NPTXR: variants seen among roughly 807,000 people sequenced by gnomAD.
NPTXR encodes neuronal pentraxin receptor.
NPTXR carries 12 observed loss-of-function variants against 32.2 expected under a neutral mutation model. The ratio of observed to expected loss-of-function variants is 0.37; its 90% CI spans 0.24 to 0.60. The LOEUF is 0.60. Among genes scored for constraint, NPTXR ranks in the 20% least tolerant of loss-of-function variants. The probability of loss-of-function intolerance (pLI) is 0.66; values close to 1 mark genes in which losing one functional copy is unlikely to be tolerated. For synonymous variants in NPTXR, 323 were observed against 315.8 expected, an observed-to-expected ratio of 1.02 and a Z score of -0.24; for missense variants, 612 against 682.9, an observed-to-expected ratio of 0.90 and a Z score of 1.16.
rs1028026809 is a variant in NPTXR, at chr22:38,833,600, G to A, written c.625-5088C>T. On this transcript the variant is annotated intron_variant, in intron 1 of 4. Coordinates refer to ENST00000333039, the MANE Select transcript of NPTXR (RefSeq NM_014293.4). ...TTCATAGACAGAAAGCGCTTAGTGCGCGGTAGGCATAGGAAGCATCACAGG... is the reference window on the plus strand; with the variant it reads ...TTCATAGACAGAAAGCGCTTAGTGCACGGTAGGCATAGGAAGCATCACAGG... Among the ~76,000 whole-genome samples, 5 of 152,168 alleles carry A rather than the reference G, an allele frequency of 3.3e-5. No individual in the cohort carries two copies. The South Asian group carries it at 6.2e-4, about 19-fold the overall frequency.
chr22:38,824,569 T>C (rs1342772814), intron 3 of NPTXR, among the ~76,000 whole-genome samples: 1 of 151,820 alleles, frequency 6.6e-6, no homozygotes, highest in Non-Finnish European at 1.5e-5. Context: ...GCAAAACAAG[T>C]GGTGGGCACA....
At position 38,843,493 on chromosome 22, in the gene NPTXR, C is replaced by G; in HGVS notation, c.366G>C (p.Glu122Asp). Residue 122 changes from glutamate to aspartate, a missense_variant, in exon 1 of 5, where the codon GAG becomes GAC. Physicochemically the swap from Glu to Asp is conservative, Grantham distance 45. Coordinates refer to ENST00000333039, the MANE Select transcript of NPTXR (RefSeq NM_014293.4). This position sits in a 1 kb window ranked among gnomAD's most constrained non-coding sequence, Gnocchi z 5.3. Reference sequence around the variant, plus strand: ...CGGCCGTGCTCTGCAGCAGCAGCAGCTCTTCGCGCTCGCCCGGCGCAGCGC... The same window carrying G: ...CGGCCGTGCTCTGCAGCAGCAGCAGGTCTTCGCGCTCGCCCGGCGCAGCGC... 4.6e-6 allele frequency: 6 copies of G among 1,294,066 alleles called. No homozygotes were observed. The highest frequency in any genetic ancestry group is 4.6e-5 in the South Asian group (2 of 43,046). 80.2% of individuals were successfully genotyped at this position (1,294,066 alleles called of 1,614,324 possible).
At chr22:38,840,310 A>T (rs1208748823) in intron 1 of NPTXR, among the ~76,000 whole-genome samples, 1 of 152,082 alleles carries the variant, frequency 6.6e-6, no homozygotes, top group Non-Finnish European at 1.5e-5. Flanking sequence ...TGGAGCAGGA[A>T]TGTGCTGGGG....
chr22:38,826,836 A>G (rs2093107954), intron 2 of NPTXR, 89 bp from the exon 3 acceptor site: 1 of 1,472,808 alleles, frequency 6.8e-7, no homozygotes, highest in Middle Eastern at 1.9e-4. Context: ...GATGGCTAAC[A>G]GCTCCCAGGC....
chr22:38,826,272 T>A (rs1306729261), intron 3 of NPTXR, among the ~76,000 whole-genome samples: 1 of 152,202 alleles, frequency 6.6e-6, no homozygotes, highest in African/African-American at 2.4e-5. Flanking sequence ...CTCTGTAAAA[T>A]GGAACAACAC....
At position 38,843,692 on chromosome 22, in the gene NPTXR, T is replaced by G. The variant is rs1270922012; in HGVS notation, c.167A>C (p.Gln56Pro). The change falls in exon 1 of 5, where the codon CAG becomes CCG. Residue 56 changes from glutamine (Q) to proline (P), a missense_variant. Gln to Pro is a moderately conservative substitution (Grantham distance 76, BLOSUM62 -1). Transcript: ENST00000333039. This position sits in a 1 kb window ranked among gnomAD's most constrained non-coding sequence, Gnocchi z 5.3. ...GCCGTGCAGCGCGCTCAGGCTCCGC[T>G]GCGGGCCCGGGGACGCGGCGGCGCC... is the stretch of plus-strand genomic sequence containing the variant. The G allele has an allele frequency of 3.0e-6, 3 of 1,000,074 alleles. No individual in the cohort carries two copies. Among genetic ancestry groups the G allele is most frequent in the African/African-American group, 1.8e-5 (1 of 56,404 alleles). The allele number at this position is 1,000,074 out of a possible 1,614,324, so 62.0% of individuals were successfully genotyped here. A position where few individuals can be genotyped will look rare whatever the true frequency, so the allele number is the denominator to read the frequency against.
In NPTXR at chr22:38,834,871, A is replaced by C. The variant is rs1213557271; in HGVS notation, c.625-6359T>G. ...GATATGAAGTGTGGTCAACCATAAG[A>C]GGCAGTACGTGGTTGTCACATTACT... On this transcript the variant is annotated intron_variant, in intron 1 of 4. Transcript: ENST00000333039. This position sits in a 1 kb window ranked among gnomAD's most constrained non-coding sequence, Gnocchi z 4.4. Among the ~76,000 whole-genome samples the C allele has an allele frequency of 1.3e-5, 2 of 152,168 alleles. No homozygotes were observed. Among genetic ancestry groups the C allele is most frequent in the Non-Finnish European group, 2.9e-5 (2 of 68,026 alleles).
rs969853170 is a variant in NPTXR, at chr22:38,843,072, G to A, written c.624+163C>T. Among the ~76,000 whole-genome samples the A allele has an allele frequency of 6.6e-6, 1 of 152,222 alleles. No homozygotes were observed. Among genetic ancestry groups the A allele is most frequent in the Non-Finnish European group, 1.5e-5 (1 of 68,030 alleles). ...GCCTCAGTCACCGTGCCAGACGCCT[G>A]CCCGCGTTCCCTATCGAAATCCCCC... On this transcript the variant is annotated intron_variant, in intron 1 of 4. Transcript: ENST00000333039. The surrounding 1 kb of genome is among the most constrained non-coding windows in gnomAD (Gnocchi z 5.3).
At chr22:38,832,930 G>A (rs2093118595) in intron 1 of NPTXR, among the ~76,000 whole-genome samples, 1 of 152,228 alleles carries the variant, frequency 6.6e-6, no homozygotes, top group East Asian at 1.9e-4. Context: ...GCTTCACAAA[G>A]GGAGACTGAT....
intron 3 of NPTXR, among the ~76,000 whole-genome samples, chr22:38,824,488 AG>A (rs1371089691): frequency 6.6e-6 from 1 of 152,136 alleles, no homozygotes; most frequent in East Asian, 1.9e-4. Context: ...CCAGAGGTAG[AG>A]GGGATATGGG....
chr22:38,843,315 C>G lies in NPTXR; in HGVS notation c.544G>C (p.Gly182Arg). Residue 182 changes from glycine to arginine, a missense_variant, in exon 1 of 5, where the codon GGG becomes CGG. Transcript: ENST00000333039. The surrounding 1 kb of genome is among the most constrained non-coding windows in gnomAD (Gnocchi z 5.3). ...ATGAGCGCAGGCGAGTCCCAGGGCC[C>G]GTCGGCCATGGTGTCGCGGCGGGGC... 2 of 1,427,938 alleles carry G rather than the reference C, an allele frequency of 1.4e-6. No individual in the cohort carries two copies. The highest frequency in any genetic ancestry group is 1.4e-5 in the South Asian group (1 of 71,038). 88.5% of individuals were successfully genotyped at this position (1,427,938 alleles called of 1,614,324 possible).
Position 38,822,371 on chromosome 22 carries a change from G to A in NPTXR, c.*238C>T. 1 of 559,998 alleles carries A rather than the reference G, an allele frequency of 1.8e-6. No individual in the cohort carries two copies. Among genetic ancestry groups the A allele is most frequent in the Non-Finnish European group, 3.2e-6 (1 of 309,646 alleles). 34.7% of individuals were successfully genotyped at this position (559,998 alleles called of 1,614,324 possible). On this transcript the variant is annotated 3_prime_UTR_variant, in exon 5 of 5. Coordinates refer to ENST00000333039, the MANE Select transcript of NPTXR (RefSeq NM_014293.4). ...AAGAGACAACTCCAGTGCAGTGCCA[G>A]GTGGGCAGGCTCCCACTGTTCACTT...
intron 1 of NPTXR, among the ~76,000 whole-genome samples, chr22:38,831,323 C>T (rs1170210545): frequency 6.6e-6 from 1 of 152,176 alleles, no homozygotes; most frequent in Non-Finnish European, 1.5e-5. Flanking sequence ...AGGAGGATTG[C>T]TTAAGCCCAG....
At chr22:38,830,340 C>T (rs150297801) in intron 1 of NPTXR, among the ~76,000 whole-genome samples, 10 of 152,284 alleles carry the variant, frequency 6.6e-5, no homozygotes, top group South Asian at 4.1e-4. Context: ...CAGTGGGTGC[C>T]GGGGGCATGG....
chr22:38,827,390 C>A (rs181363164), intron 2 of NPTXR, among the ~76,000 whole-genome samples: 1 of 151,978 alleles, frequency 6.6e-6, no homozygotes, highest in African/African-American at 2.4e-5. Context: ...TGCACCACCA[C>A]ACCCAGCTAA....
intron 3 of NPTXR, among the ~76,000 whole-genome samples, chr22:38,824,885 T>TC (rs2093103948): frequency 2.6e-5 from 4 of 152,050 alleles, no homozygotes; most frequent in Admixed American, 2.0e-4. Flanking sequence ...CTCCTCCTCC[T>TC]CCCCCTCCAG....
At position 38,822,801 on chromosome 22, in the gene NPTXR, C is replaced by T; in HGVS notation, c.1311G>A (p.Gln437=). The change falls in exon 5 of 5, where the codon CAG becomes CAA. Residue 437 remains glutamine (Q), a synonymous_variant. Coordinates refer to ENST00000333039, the MANE Select transcript of NPTXR (RefSeq NM_014293.4). ...ACTGGGCAATGTCACCGACAAAGGC[C>T]TGGGTGGCATCAAACCGGCCACCCA... 6.2e-7 allele frequency: 1 copy of T among 1,614,148 alleles called. No individual in the cohort carries two copies. Among genetic ancestry groups the T allele is most frequent in the Non-Finnish European group, 8.5e-7 (1 of 1,180,004 alleles).
At chr22:38,828,582 T>A in intron 1 of NPTXR, 70 bp from the exon 2 acceptor site, 2 of 1,298,354 alleles carry the variant, frequency 1.5e-6, no homozygotes, top group Non-Finnish European at 2.1e-6. Flanking sequence ...CTCAGATGCC[T>A]ACCGCCCCTG....
chr22:38,837,051 T>C (rs2093125051), intron 1 of NPTXR, among the ~76,000 whole-genome samples: 1 of 152,216 alleles, frequency 6.6e-6, no homozygotes, highest in African/African-American at 2.4e-5. Flanking sequence ...CCTGACCTCG[T>C]GATACGCCCA....
Sources: allele counts gnomAD v4.1 joint callset (sites outside exome capture counted in the v4.1 genomes callset), GRCh38; gene constraint gnomAD v4.1.1; non-coding constraint Gnocchi (gnomAD v3.1); transcripts MANE v1.5; gene names NCBI Gene and HGNC (gene_info 2026-07-23, HGNC 2026-07-21).